Variants in ARID1B observed in about 807,000 individuals in gnomAD.
The protein encoded by ARID1B is AT-rich interactive domain-containing protein 1B.
ARID1B carries 30 observed loss-of-function variants against 212.3 expected under a neutral mutation model. That is an observed-to-expected ratio of 0.14 (90% CI 0.11 to 0.19). ARID1B has a LOEUF of 0.19. Among genes scored for constraint, ARID1B ranks in the 10% least tolerant of loss-of-function variants. The probability of loss-of-function intolerance (pLI) is 1.00; values close to 1 mark genes in which losing one functional copy is unlikely to be tolerated. For missense variants in ARID1B, 2,891 were observed against 3,204.0 expected, an observed-to-expected ratio of 0.90 and a Z score of 2.36; for synonymous variants, 1,402 against 1,301.7, an observed-to-expected ratio of 1.08 and a Z score of -1.66.
At position 157,120,717 on chromosome 6, in the gene ARID1B, T is replaced by C. The variant is rs145814619; in HGVS notation, c.2581+10156T>C. Among the ~76,000 whole-genome samples, 255 of 152,298 alleles carry C rather than the reference T, an allele frequency of 1.7e-3. 1 individual carries two copies. The highest frequency in any genetic ancestry group is 5.9e-3 in the African/African-American group (246 of 41,560). On this transcript the variant is annotated intron_variant, in intron 6 of 19. Transcript: ENST00000636930. ...CACACACACATGGCAAAGCAGCTTT[T>C]ATTGAACTGGCTTGAAGAGACAGAT... is the stretch of plus-strand genomic sequence containing the variant.
chr6:156,852,218 TG>T (rs1370129875), intron 2 of ARID1B, among the ~76,000 whole-genome samples: 1 of 151,746 alleles, frequency 6.6e-6, no homozygotes, highest in African/African-American at 2.4e-5. Context: ...GAGGCCGAGG[TG>T]GGAGGATTGC....
chr6:157,192,654 G>A (rs1196236823), intron 15 of ARID1B, among the ~76,000 whole-genome samples: 9 of 152,156 alleles, frequency 5.9e-5, no homozygotes, highest in Non-Finnish European at 8.8e-5. Flanking sequence ...ATCCTACTTT[G>A]GTGACTGTCT....
chr6:157,107,329 A>C (rs2128509037), intron 5 of ARID1B, among the ~76,000 whole-genome samples: 1 of 152,302 alleles, frequency 6.6e-6, no homozygotes, highest in African/African-American at 2.4e-5. Context: ...TGAGGTCTTT[A>C]GGTAAGCTTC....
intron 5 of ARID1B, among the ~76,000 whole-genome samples, chr6:157,106,737 T>G (rs1342772795): frequency 6.6e-6 from 1 of 152,208 alleles, no homozygotes; most frequent in Non-Finnish European, 1.5e-5. Context: ...GAGGAGGGGA[T>G]TACTCACCGG....
chr6:157,196,077 A>G, intron 15 of ARID1B, 88 bp from the exon 16 acceptor site: 3 of 1,525,930 alleles, frequency 2.0e-6, no homozygotes, highest in Admixed American at 4.3e-5. Context: ...GAAAAAGTCC[A>G]AAGACAATAG....
chr6:156,974,547 A>G (rs944399912), intron 4 of ARID1B, among the ~76,000 whole-genome samples: 9 of 152,210 alleles, frequency 5.9e-5, no homozygotes, highest in South Asian at 4.1e-4. Context: ...AAACCCCCAC[A>G]TGTACTCTCT....
At chr6:156,818,942 T>TAA (rs368029736) in intron 1 of ARID1B, among the ~76,000 whole-genome samples, 1 of 146,532 alleles carries the variant, frequency 6.8e-6, no homozygotes, top group Non-Finnish European at 1.5e-5. Context: ...TCTATCCTTT[T>TAA]AAAAAAAAAA....
At chr6:156,791,947 C>A (rs1399445014) in intron 1 of ARID1B, among the ~76,000 whole-genome samples, 1 of 151,822 alleles carries the variant, frequency 6.6e-6, no homozygotes, top group Non-Finnish European at 1.5e-5. Context: ...TGTTTATTTC[C>A]TAATGCTAGG....
intron 4 of ARID1B, among the ~76,000 whole-genome samples, chr6:157,032,023 C>T (rs1236327634): frequency 2.0e-5 from 3 of 152,168 alleles, no homozygotes; most frequent in African/African-American, 2.4e-5. Flanking sequence ...TCTCGAACTC[C>T]TGACCTCAGG....
chr6:157,162,898 T>C (rs998237660), intron 8 of ARID1B, among the ~76,000 whole-genome samples: 1 of 152,142 alleles, frequency 6.6e-6, no homozygotes, highest in African/African-American at 2.4e-5. Flanking sequence ...TCTACAGCCA[T>C]GGACTCGGCA....
At chr6:156,810,087 T>C (rs1006306305) in intron 1 of ARID1B, among the ~76,000 whole-genome samples, 2 of 152,162 alleles carry the variant, frequency 1.3e-5, no homozygotes, top group African/African-American at 2.4e-5. Flanking sequence ...AGGGGAAAAA[T>C]AACTATTGAA....
At chr6:157,063,402 T>A (rs940334474) in intron 4 of ARID1B, among the ~76,000 whole-genome samples, 9 of 152,210 alleles carry the variant, frequency 5.9e-5, no homozygotes, top group Admixed American at 2.0e-4. Context: ...GTTAGGTAGC[T>A]GATACTGTGA....
At chr6:156,950,095 TCA>T (rs1793462505) in intron 4 of ARID1B, among the ~76,000 whole-genome samples, 1 of 152,240 alleles carries the variant, frequency 6.6e-6, no homozygotes, top group South Asian at 2.1e-4. Flanking sequence ...AGCTTTATCC[TCA>T]GAGTCGGTTG....
intron 1 of ARID1B, among the ~76,000 whole-genome samples, chr6:156,824,547 T>G (rs1024900995): frequency 2.0e-5 from 3 of 152,124 alleles, no homozygotes; most frequent in Non-Finnish European, 2.9e-5. Flanking sequence ...GGCGAATCAC[T>G]TGAGGTCAGG....
At chr6:157,044,582 A>G (rs1451923876) in intron 4 of ARID1B, among the ~76,000 whole-genome samples, 1 of 152,204 alleles carries the variant, frequency 6.6e-6, no homozygotes, top group Non-Finnish European at 1.5e-5. Context: ...TTTCTGATCC[A>G]TCTAACTTAG....
intron 4 of ARID1B, among the ~76,000 whole-genome samples, chr6:156,963,190 G>A (rs771062038): frequency 6.6e-6 from 1 of 152,214 alleles, no homozygotes; most frequent in Non-Finnish European, 1.5e-5. Flanking sequence ...GACTGTGTTT[G>A]TGTTGCATTT....
At chr6:157,159,448 A>C (rs1036673203) in intron 8 of ARID1B, among the ~76,000 whole-genome samples, 1 of 152,214 alleles carries the variant, frequency 6.6e-6, no homozygotes, top group Non-Finnish European at 1.5e-5. Flanking sequence ...TGCTTTAGGA[A>C]CAACTAAAGC....
At chr6:157,196,006 A>G in intron 15 of ARID1B, 159 bp from the exon 16 acceptor site, 1 of 822,510 alleles carries the variant, frequency 1.2e-6, no homozygotes, top group East Asian at 3.2e-5. Flanking sequence ...GGTTGCAGTG[A>G]GCCAAGATCA....
rs147921840 is a variant in ARID1B, at chr6:157,199,130, C to G, written c.4479+223C>G. On this transcript the variant is annotated intron_variant, in intron 17 of 19. Transcript: ENST00000636930. ...CACGGTTTCTTGAAACACATATGAC[C>G]TGTAATAAGAAGTTGAGTGTATTCA... Among the ~76,000 whole-genome samples, 483 of 152,286 alleles carry G rather than the reference C, an allele frequency of 3.2e-3. 9 individuals carry two copies. Among genetic ancestry groups the G allele is most frequent in the African/African-American group, 0.011 (463 of 41,542 alleles).
Sources: allele counts gnomAD v4.1 joint callset (sites outside exome capture counted in the v4.1 genomes callset), GRCh38; gene constraint gnomAD v4.1.1; transcripts MANE v1.5; gene names NCBI Gene and HGNC (gene_info 2026-07-23, HGNC 2026-07-21).